The following PDS5B variants were observed in gnomAD, a reference collection of about 807,000 sequenced individuals.
PDS5B encodes sister chromatid cohesion protein PDS5 homolog B.
In PDS5B, 51 loss-of-function variants were observed where a neutral mutation model predicts 184.1. The ratio of observed to expected loss-of-function variants is 0.28; its 90% CI spans 0.22 to 0.35. PDS5B has a LOEUF of 0.35. Ranked by LOEUF, PDS5B falls within the 10% of genes least tolerant of loss-of-function variation. The pLI, the probability that PDS5B is intolerant of heterozygous loss-of-function variation, is 1.00. For synonymous variants in PDS5B, 566 were observed against 569.2 expected (o/e 0.99, Z 0.08); for missense variants, 1,180 against 1,723.3 (o/e 0.68, Z 5.58).
intron 19 of PDS5B, among the ~76,000 whole-genome samples, chr13:32,730,187 C>T (rs1333841047): frequency 6.6e-6 from 1 of 152,000 alleles, no homozygotes; most frequent in African/African-American, 2.4e-5. Context: ...TCCCAGCAAC[C>T]TTTATTAAAT....
rs1954969394 is a variant in PDS5B, at chr13:32,776,728, G to A, written c.*1676G>A. ...AATAGATGGGGCATATAATAAAGAA[G>A]CTACTATTTTGGAAAATGACATTTT... On this transcript the variant is annotated 3_prime_UTR_variant, in exon 35 of 35. Transcript: ENST00000315596. 6.6e-6 allele frequency: 1 copy of A among 152,376 alleles called. No homozygotes were observed. The highest frequency in any genetic ancestry group is 6.6e-5 in the Admixed American group (1 of 15,238). 9.4% of individuals were successfully genotyped at this position (152,376 alleles called of 1,614,324 possible).
chr13:32,668,546 A>G (rs1950858193), intron 7 of PDS5B, among the ~76,000 whole-genome samples: 1 of 152,150 alleles, frequency 6.6e-6, no homozygotes, highest in South Asian at 2.1e-4. Context: ...AGGTGGCAGT[A>G]TTCATATTAT....
intron 1 of PDS5B, among the ~76,000 whole-genome samples, chr13:32,616,629 T>C (rs1184444297): frequency 2.0e-5 from 3 of 152,192 alleles, no homozygotes; most frequent in African/African-American, 7.2e-5. Context: ...TCCAAGGGAA[T>C]TGGACAGAAA....
chr13:32,688,604 C>A, intron 13 of PDS5B, 35 bp downstream of exon 13: 1 of 1,204,080 alleles, frequency 8.3e-7, no homozygotes, highest in Non-Finnish European at 1.2e-6. Flanking sequence ...TTCTTTTCAT[C>A]CTTTGCAATA....
At chr13:32,696,996 A>G in intron 15 of PDS5B, 94 bp downstream of exon 15, 1 of 701,408 alleles carries the variant, frequency 1.4e-6, no homozygotes, top group South Asian at 1.8e-5. Flanking sequence ...ATAGGCTATG[A>G]TAATATAGGA....
In PDS5B at chr13:32,753,370, A is replaced by G. The variant is rs776334382; in HGVS notation, c.2775A>G (p.Lys925=). The G allele has an allele frequency of 3.4e-5, 55 of 1,613,824 alleles. No individual in the cohort carries two copies. In the Admixed American group the frequency reaches 8.8e-4, roughly 26 times the overall value. ...CYQVRQVFAQ[K]LHKGLSRLRL... ...AAGTAAGACAAGTGTTTGCCCAGAAACTTCACAAAGGCCTTTCCCGTTTAC... is the reference window on the plus strand; with the variant it reads ...AAGTAAGACAAGTGTTTGCCCAGAAGCTTCACAAAGGCCTTTCCCGTTTAC... The change falls in exon 25 of 35, where the codon AAA becomes AAG. Residue 925 remains lysine, a synonymous_variant. Coordinates refer to ENST00000315596, the MANE Select transcript of PDS5B (RefSeq NM_015032.4).
chr13:32,693,813 A>T (rs1022424510), intron 13 of PDS5B, among the ~76,000 whole-genome samples: 1 of 151,692 alleles, frequency 6.6e-6, no homozygotes, highest in Non-Finnish European at 1.5e-5. Flanking sequence ...ACATATAAAA[A>T]TATTCACTTA....
At chr13:32,622,856 C>T (rs1470511911) in intron 1 of PDS5B, among the ~76,000 whole-genome samples, 2 of 152,100 alleles carry the variant, frequency 1.3e-5, no homozygotes, top group Non-Finnish European at 2.9e-5. Context: ...AGGTTCTTGC[C>T]TGCTGCACAG....
chr13:32,647,554 T>C (rs1950258667), intron 1 of PDS5B, among the ~76,000 whole-genome samples: 1 of 152,212 alleles, frequency 6.6e-6, no homozygotes, highest in Non-Finnish European at 1.5e-5. Flanking sequence ...GTGCTGGGAT[T>C]ACAGGCGTGA....
chr13:32,758,543 A>T lies in PDS5B; in HGVS notation c.3199A>T (p.Thr1067Ser). 1.2e-6 allele frequency: 2 copies of T among 1,611,850 alleles called. No individual in the cohort carries two copies. Among genetic ancestry groups the T allele is most frequent in the Non-Finnish European group, 1.7e-6 (2 of 1,178,394 alleles). ...AAATATACTATTGCAGAAACTGTAC[A>T]CTGTGTGTGATGTTGCCATGAATAT... ...DDAKMNEKLY[T>S]VCDVAMNIIM... The change falls in exon 28 of 35, where the codon ACT becomes TCT. Residue 1067 changes from threonine to serine, a missense_variant. Around this residue, in one of 11 missense-constraint regions of PDS5B, gnomAD observed 465 missense variants for 497.8 expected, o/e 0.93. Coordinates refer to ENST00000315596, the MANE Select transcript of PDS5B (RefSeq NM_015032.4).
chr13:32,591,699 T>A (rs910144388), intron 1 of PDS5B, among the ~76,000 whole-genome samples: 1 of 152,154 alleles, frequency 6.6e-6, no homozygotes, highest in African/African-American at 2.4e-5. Flanking sequence ...GGGTTTGTAT[T>A]TCTTTGTGAG....
At chr13:32,608,494 G>C (rs915480372) in intron 1 of PDS5B, among the ~76,000 whole-genome samples, 1 of 152,166 alleles carries the variant, frequency 6.6e-6, no homozygotes, top group Non-Finnish European at 1.5e-5. Context: ...TTAACGAATT[G>C]TAGGAAGCGT....
intron 31 of PDS5B, among the ~76,000 whole-genome samples, chr13:32,766,682 C>T (rs1410786195): frequency 6.6e-6 from 1 of 152,146 alleles, no homozygotes; most frequent in Non-Finnish European, 1.5e-5. Context: ...AAATATTTAG[C>T]TTTATAAATA....
At chr13:32,718,415 A>T (rs566803820) in intron 19 of PDS5B, among the ~76,000 whole-genome samples, 7 of 152,270 alleles carry the variant, frequency 4.6e-5, no homozygotes, top group African/African-American at 1.7e-4. Context: ...CTCCCAAGGT[A>T]CTGGGATTAG....
chr13:32,685,886 C>T (rs1951372919), intron 11 of PDS5B, among the ~76,000 whole-genome samples: 1 of 151,834 alleles, frequency 6.6e-6, no homozygotes, highest in South Asian at 2.1e-4. Context: ...GCCATCCTCC[C>T]ACCTCGGCCT....
chr13:32,614,315 T>G (rs1009655119), intron 1 of PDS5B, among the ~76,000 whole-genome samples: 1 of 134,600 alleles, frequency 7.4e-6, no homozygotes, highest in Non-Finnish European at 1.6e-5. Flanking sequence ...TTTTTTTTTT[T>G]GAGACGGAGT....
At chr13:32,725,515 T>C (rs1952867814) in intron 19 of PDS5B, among the ~76,000 whole-genome samples, 2 of 152,160 alleles carry the variant, frequency 1.3e-5, no homozygotes, top group South Asian at 4.1e-4. Flanking sequence ...TCTGGTTCCT[T>C]TTAATGGGAA....
intron 19 of PDS5B, among the ~76,000 whole-genome samples, chr13:32,728,368 A>C (rs1282092233): frequency 6.6e-6 from 1 of 152,126 alleles, no homozygotes; most frequent in Non-Finnish European, 1.5e-5. Context: ...AGTAGGAATG[A>C]GTAATTAACC....
intron 34 of PDS5B, among the ~76,000 whole-genome samples, chr13:32,774,524 G>GTTTTA (rs1481838552): frequency 6.6e-6 from 1 of 152,080 alleles, no homozygotes; most frequent in Non-Finnish European, 1.5e-5. Flanking sequence ...TTGAACTAAA[G>GTTTTA]TTTTATGCTT....
Sources: allele counts gnomAD v4.1 joint callset (sites outside exome capture counted in the v4.1 genomes callset), GRCh38; gene constraint gnomAD v4.1.1; regional missense constraint gnomAD v4.1.1; transcripts MANE v1.5; gene names NCBI Gene and HGNC (gene_info 2026-07-23, HGNC 2026-07-21).